Variants in ADGRE3 observed in about 807,000 individuals in gnomAD.
ADGRE3 encodes the protein EGF-like module receptor 3.
In ADGRE3, 88 loss-of-function variants were observed where a neutral mutation model predicts 80.1. The ratio of observed to expected loss-of-function variants is 1.10; its 90% CI spans 0.93 to 1.31. The LOEUF (loss-of-function observed/expected upper bound fraction) is 1.31, where lower values mean the gene tolerates loss of function less well. ADGRE3 is among the 40% of genes most tolerant of loss of function. The pLI, the probability that ADGRE3 is intolerant of heterozygous loss-of-function variation, is 0.00. For synonymous variants in ADGRE3, 281 were observed against 294.8 expected, an observed-to-expected ratio of 0.95 and a Z score of 0.48; for missense variants, 715 against 776.5, an observed-to-expected ratio of 0.92 and a Z score of 0.94.
At chr19:14,601,214 C>T in the ADGRE3 span, among the ~76,000 whole-genome samples, 1 of 152,124 alleles carries the variant, frequency 6.6e-6, no homozygotes, top group South Asian at 2.1e-4. Context: ...GGAGGGGTTA[C>T]TTTATGCTGC....
rs1199200884 is a variant in ADGRE3 at position 14,637,151 on chromosome 19, A to T, written c.1484+954T>A. ...AAGTTTCCCCTTGAGATATTCTTTC[A>T]GGTCCTGTGTACCAGTGAAACTACT... On this transcript the variant is annotated intron_variant, in intron 11 of 15. Coordinates refer to ENST00000253673, the MANE Select transcript of ADGRE3 (RefSeq NM_032571.5). Among the ~76,000 whole-genome samples, 3 of 152,304 alleles carry T rather than the reference A, an allele frequency of 2.0e-5. No homozygotes were observed. The South Asian group carries it at 6.2e-4, about 32-fold the overall frequency.
chr19:14,623,315 T>A lies in ADGRE3; in HGVS notation c.1920+2177A>T, dbSNP rs1057511679. On this transcript the variant is annotated intron_variant, in intron 15 of 15. Coordinates refer to ENST00000253673, the MANE Select transcript of ADGRE3 (RefSeq NM_032571.5). ...AAAAAAAAATAAAAAAAAAAAAAAA[T>A]AAAACTCCTGGACTTAAGTGATCCT... is the stretch of plus-strand genomic sequence containing the variant. Among the ~76,000 whole-genome samples the A allele has an allele frequency of 3.6e-3, 522 of 144,364 alleles. 105 individuals are homozygous for A. The highest frequency in any genetic ancestry group is 5.9e-3 in the Non-Finnish European group (389 of 65,460). The allele number at this position is 144,364 out of a possible 152,430, so 94.7% of individuals were successfully genotyped here. A position where few individuals can be genotyped will look rare whatever the true frequency, so the allele number is the denominator to read the frequency against.
At chr19:14,620,560 ATATATATATTTTTTTTTT>A (rs1970564781) in intron 15 of ADGRE3, among the ~76,000 whole-genome samples, 2 of 23,692 alleles carry the variant, frequency 8.4e-5, no homozygotes, top group African/African-American at 1.7e-4. Flanking sequence ...ATATATATAT[ATATATATATTTTTTTTTT>A]TTTTTTTTTT....
At chr19:14,658,621 G>A in intron 4 of ADGRE3, 71 bp from the exon 5 acceptor site, 1 of 1,173,410 alleles carries the variant, frequency 8.5e-7, no homozygotes, top group Non-Finnish European at 1.2e-6. Context: ...GGCAGGTGGG[G>A]TAAGTAATGG....
intron 1 of ADGRE3, among the ~76,000 whole-genome samples, chr19:14,672,799 G>A (rs1972289987): frequency 6.6e-6 from 1 of 151,844 alleles, no homozygotes; most frequent in African/African-American, 2.4e-5. Context: ...ATGTTTCTTG[G>A]AGACAGAGTC....
intron 1 of ADGRE3, 47 bp from the exon 2 acceptor site, chr19:14,668,899 A>G (rs1388409410): frequency 6.4e-7 from 1 of 1,560,068 alleles, no homozygotes; most frequent in East Asian, 2.2e-5. Flanking sequence ...ACAATTGAGG[A>G]GAGATTCCAA....
intron 8 of ADGRE3, among the ~76,000 whole-genome samples, chr19:14,645,663 A>G (rs931381462): frequency 7.4e-6 from 1 of 135,486 alleles, no homozygotes; most frequent in African/African-American, 3.2e-5. Flanking sequence ...TCAAAAAAAG[A>G]AAAAAAAAAA....
chr19:14,617,883 A>G (rs934084941), downstream of ADGRE3, among the ~76,000 whole-genome samples: 1 of 152,162 alleles, frequency 6.6e-6, no homozygotes, highest in Non-Finnish European at 1.5e-5. Context: ...AAAATCACCC[A>G]GCATCAATAG....
chr19:14,629,928 G>T (rs976684560), intron 14 of ADGRE3, 111 bp downstream of exon 14: 2 of 643,596 alleles, frequency 3.1e-6, no homozygotes, highest in East Asian at 2.7e-5. Flanking sequence ...GTTTACAGGT[G>T]GATTATAATC....
chr19:14,669,499 CT>C (rs1412385225), intron 1 of ADGRE3, among the ~76,000 whole-genome samples: 1 of 151,502 alleles, frequency 6.6e-6, no homozygotes, highest in East Asian at 1.9e-4. Context: ...TATTTTTTTT[CT>C]TTTTTTGAGA....
At chr19:14,633,047 TTAAAG>T in intron 12 of ADGRE3, 35 bp from the exon 13 acceptor site, 9 of 1,524,968 alleles carry the variant, frequency 5.9e-6, no homozygotes, top group Non-Finnish European at 8.2e-6. Flanking sequence ...AGAGTGCAAG[TTAAAG>T]TAATGTATGG....
chr19:14,609,612 C>T, the ADGRE3 span, among the ~76,000 whole-genome samples: 25 of 151,336 alleles, frequency 1.7e-4, no homozygotes, highest in African/African-American at 3.6e-4. Flanking sequence ...CTGAGGCGGG[C>T]GGATCACTTG....
rs1970836079 is a variant in ADGRE3 at position 14,630,058 on chromosome 19, T to TA, written c.1792dup (p.Tyr598LeufsTer17). 6.2e-7 allele frequency: 1 copy of TA among 1,608,852 alleles called. No individual in the cohort carries two copies. The highest frequency in any genetic ancestry group is 8.5e-7 in the Non-Finnish European group (1 of 1,177,162). On this transcript the variant is annotated frameshift_variant, in exon 14 of 16. Transcript: ENST00000253673. LOFTEE classifies it high-confidence loss of function. The stretch of plus-strand genomic sequence containing the variant: ...GTTTACCTGCTGGCTGAGGAGGCAG[T>TA]AGACCAAGAAGATGAAGAAGCCTTG...
At chr19:14,633,668 G>T (rs1037170002) in intron 11 of ADGRE3, among the ~76,000 whole-genome samples, 1 of 145,032 alleles carries the variant, frequency 6.9e-6, no homozygotes, top group South Asian at 2.1e-4. Flanking sequence ...TCGCGCCACC[G>T]CACTCCAGCC....
intron 3 of ADGRE3, 76 bp from the exon 4 acceptor site, chr19:14,662,194 G>A (rs1227003188): frequency 3.4e-6 from 5 of 1,471,284 alleles, no homozygotes; most frequent in African/African-American, 1.4e-5. Flanking sequence ...CAGGAGTTGT[G>A]CTCTTTCCCC....
chr19:14,600,267 A>C, the ADGRE3 span: 4 of 1,485,764 alleles, frequency 2.7e-6, no homozygotes, highest in Non-Finnish European at 2.7e-6. Flanking sequence ...CCTTCCCTGG[A>C]TGGCAAGAAA....
intron 10 of ADGRE3, among the ~76,000 whole-genome samples, chr19:14,638,794 C>T (rs931780372): frequency 6.6e-6 from 1 of 152,096 alleles, no homozygotes; most frequent in Non-Finnish European, 1.5e-5. Context: ...CATCCACTTC[C>T]CCCCTCAACC....
At chr19:14,654,830 A>T (rs760403387) in intron 6 of ADGRE3, 152 bp downstream of exon 6, 131 of 581,444 alleles carry the variant, frequency 2.3e-4, no homozygotes, top group Non-Finnish European at 3.2e-4. Context: ...GTCACTCTAG[A>T]TAAGTTTGCG....
chr19:14,608,608 G>C, the ADGRE3 span, among the ~76,000 whole-genome samples: 1 of 151,672 alleles, frequency 6.6e-6, no homozygotes, highest in Non-Finnish European at 1.5e-5. Flanking sequence ...AAAAAAGGGA[G>C]GGTGGAAGGA....
Sources: gnomAD v4.1 joint callset for allele counts (sites outside exome capture counted in the v4.1 genomes callset) on GRCh38, gnomAD v4.1.1 for gene constraint, MANE v1.5 for transcripts, NCBI Gene and HGNC (gene_info 2026-07-23, HGNC 2026-07-21) for gene names.